Variants in RBMS3 observed in about 807,000 individuals in gnomAD.
The protein encoded by RBMS3 is RNA-binding motif, single-stranded-interacting protein 3.
A neutral mutation model predicts 66.8 loss-of-function variants in RBMS3; 27 were observed. The ratio of observed to expected loss-of-function variants is 0.40; its 90% confidence interval spans 0.30 to 0.56. The LOEUF (loss-of-function observed/expected upper bound fraction) is 0.56, where lower values mean the gene tolerates loss of function less well. Ranked by LOEUF, RBMS3 falls within the 20% of genes least tolerant of loss-of-function variation. The pLI is 0.40. For synonymous variants in RBMS3, 188 were observed against 183.0 expected (o/e 1.03, Z -0.22); for missense variants, 513 against 549.5 (o/e 0.93, Z 0.66).
intron 6 of RBMS3, among the ~76,000 whole-genome samples, chr3:29,815,453 G>A (rs2057859012): frequency 6.6e-6 from 1 of 152,140 alleles, no homozygotes; most frequent in Non-Finnish European, 1.5e-5. Flanking sequence ...GGGCTCTGGA[G>A]TAACATCTGG....
intron 12 of RBMS3, among the ~76,000 whole-genome samples, chr3:29,949,978 C>G (rs1337595920): frequency 6.6e-6 from 1 of 151,762 alleles, no homozygotes; most frequent in Non-Finnish European, 1.5e-5. Flanking sequence ...GCAGCGGTTT[C>G]TGTTACTGTT....
At chr3:29,301,956 C>T (rs547778074) in intron 1 of RBMS3, among the ~76,000 whole-genome samples, 11 of 151,982 alleles carry the variant, frequency 7.2e-5, no homozygotes, top group East Asian at 3.9e-4. Flanking sequence ...TTTCACGTAA[C>T]GCTTTTTCAC....
chr3:29,949,170 A>G (rs1695512609), intron 12 of RBMS3, among the ~76,000 whole-genome samples: 2 of 151,348 alleles, frequency 1.3e-5, no homozygotes, highest in South Asian at 4.2e-4. Context: ...TATAAATATC[A>G]CTGTTATTTA....
chr3:29,845,449 T>C (rs952492169), intron 6 of RBMS3, among the ~76,000 whole-genome samples: 3 of 152,236 alleles, frequency 2.0e-5, no homozygotes, highest in Admixed American at 6.5e-5. Context: ...ATTCATTTTA[T>C]CTATCAATTG....
chr3:29,982,184 C>T (rs754277756), intron 12 of RBMS3, among the ~76,000 whole-genome samples: 1 of 152,114 alleles, frequency 6.6e-6, no homozygotes, highest in Non-Finnish European at 1.5e-5. Flanking sequence ...TTATCCATTT[C>T]TTCTAGATTT....
intron 4 of RBMS3, among the ~76,000 whole-genome samples, chr3:29,621,952 T>C (rs1576377435): frequency 6.6e-6 from 1 of 152,150 alleles, no homozygotes; most frequent in Admixed American, 6.5e-5. Context: ...TGTGGAAAAC[T>C]TATACTTCAG....
chr3:29,666,216 C>G (rs934331346), intron 4 of RBMS3, among the ~76,000 whole-genome samples: 1 of 152,172 alleles, frequency 6.6e-6, no homozygotes, highest in African/African-American at 2.4e-5. Context: ...AAATATGTCT[C>G]TGCTACTTCA....
chr3:29,751,227 G>C (rs925132561), intron 5 of RBMS3, among the ~76,000 whole-genome samples: 7 of 152,080 alleles, frequency 4.6e-5, no homozygotes, highest in African/African-American at 1.7e-4. Flanking sequence ...TTGTTCTAAG[G>C]AGAAAACCAA....
intron 4 of RBMS3, among the ~76,000 whole-genome samples, chr3:29,718,353 C>T (rs188728607): frequency 3.3e-5 from 5 of 151,640 alleles, no homozygotes; most frequent in African/African-American, 1.2e-4. Context: ...AAGCAGCCCA[C>T]GAGGCAAAAA....
chr3:29,372,844 C>G (rs1198655727), intron 1 of RBMS3, among the ~76,000 whole-genome samples: 1 of 150,608 alleles, frequency 6.6e-6, no homozygotes, highest in Non-Finnish European at 1.5e-5. Flanking sequence ...GATAATAGAA[C>G]CTGCCTAATA....
intron 3 of RBMS3, among the ~76,000 whole-genome samples, chr3:29,571,082 TATTG>T (rs1378756049): frequency 6.6e-6 from 1 of 152,176 alleles, no homozygotes; most frequent in Non-Finnish European, 1.5e-5. Context: ...TGATCAGTGA[TATTG>T]AGCACCTTTC....
intron 1 of RBMS3, among the ~76,000 whole-genome samples, chr3:29,372,379 A>G (rs2038251650): frequency 6.6e-6 from 1 of 152,170 alleles, no homozygotes; most frequent in Non-Finnish European, 1.5e-5. Flanking sequence ...TTATTTAAAA[A>G]AGAACTTTAA....
intron 2 of RBMS3, among the ~76,000 whole-genome samples, chr3:29,479,995 C>A (rs1178681527): frequency 6.6e-6 from 1 of 152,102 alleles, no homozygotes; most frequent in African/African-American, 2.4e-5. Context: ...AAAATACTTT[C>A]AGAGAAAAGA....
At chr3:29,892,461 T>TC (rs1240844432) in intron 8 of RBMS3, among the ~76,000 whole-genome samples, 1 of 151,084 alleles carries the variant, frequency 6.6e-6, no homozygotes, top group Admixed American at 6.6e-5. Context: ...TGCCGGTAGC[T>TC]CCCCCCTCTC....
At chr3:29,500,120 A>G (rs995639085) in intron 3 of RBMS3, among the ~76,000 whole-genome samples, 2 of 151,206 alleles carry the variant, frequency 1.3e-5, no homozygotes, top group Non-Finnish European at 2.9e-5. Flanking sequence ...TTGTAGGCTC[A>G]TTAAAAAAAA....
chr3:29,723,823 C>T (rs1483052007), intron 4 of RBMS3, among the ~76,000 whole-genome samples: 2 of 152,154 alleles, frequency 1.3e-5, no homozygotes, highest in African/African-American at 4.8e-5. Context: ...TAATGAGTTT[C>T]AGCATTTTAA....
At chr3:29,744,386 G>A (rs2054779919) in intron 5 of RBMS3, among the ~76,000 whole-genome samples, 1 of 152,202 alleles carries the variant, frequency 6.6e-6, no homozygotes, top group Admixed American at 6.5e-5. Flanking sequence ...TTGTGAGATA[G>A]AGTACTGGAA....
intron 4 of RBMS3, among the ~76,000 whole-genome samples, chr3:29,603,155 C>T (rs2048204294): frequency 6.6e-6 from 1 of 151,970 alleles, no homozygotes. Flanking sequence ...AGTGCCTATC[C>T]AGCAAGTAGC....
intron 4 of RBMS3, among the ~76,000 whole-genome samples, chr3:29,640,612 G>A (rs1277008493): frequency 6.6e-6 from 1 of 151,932 alleles, no homozygotes; most frequent in East Asian, 1.9e-4. Flanking sequence ...ATTTGATCGT[G>A]CATAGATTCC....
Sources: allele counts gnomAD v4.1 joint callset (sites outside exome capture counted in the v4.1 genomes callset), GRCh38; gene constraint gnomAD v4.1.1; transcripts MANE v1.5; gene names NCBI Gene and HGNC (gene_info 2026-07-23, HGNC 2026-07-21).